Variants in HEATR4 observed in about 807,000 individuals in gnomAD.
HEATR4 encodes the protein HEAT repeat containing 4.
HEATR4 carries 95 observed loss-of-function variants against 108.8 expected under a neutral mutation model. The observed-to-expected ratio is 0.87, with a 90% confidence interval of 0.74 to 1.04. The LOEUF (loss-of-function observed/expected upper bound fraction) is 1.04, where lower values mean the gene tolerates loss of function less well. Ranked by LOEUF, HEATR4 falls within the 50% of genes least tolerant of loss-of-function variation. The pLI, the probability that HEATR4 is intolerant of heterozygous loss-of-function variation, is 0.00. For missense variants in HEATR4, 1,152 were observed against 1,253.8 expected, an observed-to-expected ratio of 0.92 and a Z score of 1.23; for synonymous variants, 443 against 459.4, an observed-to-expected ratio of 0.96 and a Z score of 0.46.
At chr14:73,545,470 C>T (rs1375590313) in intron 1 of HEATR4, among the ~76,000 whole-genome samples, 1 of 72,146 alleles carries the variant, frequency 1.4e-5, no homozygotes, top group African/African-American at 4.3e-5. Context: ...TGTTACTCTG[C>T]AACCCAGGAA....
rs1269235402 is a variant in HEATR4 at position 73,509,361 on chromosome 14, CTGTA to C, written c.1667_1670del (p.Ile556SerfsTer16). On this transcript the variant is annotated frameshift_variant, in exon 8 of 18. Coordinates refer to ENST00000553558, the MANE Select transcript of HEATR4 (RefSeq NM_001220484.1). LOFTEE classifies it high-confidence loss of function. Reference sequence around the variant, plus strand: ...TGTTCCGGGCAAGGGGATTATGTGACTGTATGGCATATTGGCATATTGCTGCTGC... The same window carrying C: ...TGTTCCGGGCAAGGGGATTATGTGACTGGCATATTGGCATATTGCTGCTGC... 4 of 1,614,098 alleles carry C rather than the reference CTGTA, an allele frequency of 2.5e-6. No homozygotes were observed. The South Asian group carries it at 4.4e-5, about 18-fold the overall frequency.
chr14:73,613,206 T>C, the HEATR4 span, among the ~76,000 whole-genome samples: 5 of 152,180 alleles, frequency 3.3e-5, no homozygotes, highest in Non-Finnish European at 5.9e-5. Context: ...GGCTGGATCG[T>C]AGCTCACACT....
chr14:73,589,386 C>T, the HEATR4 span, among the ~76,000 whole-genome samples: 1 of 152,136 alleles, frequency 6.6e-6, no homozygotes, highest in South Asian at 2.1e-4. Context: ...GTGGTATGAT[C>T]TCAGCTTACT....
At position 73,545,362 on chromosome 14, in the gene HEATR4, C is replaced by T. The variant is rs1168253321; in HGVS notation, c.-152+13389G>A. On this transcript the variant is annotated intron_variant, in intron 1 of 17. Transcript: ENST00000553558. ...GGTGTGAGCCACCGCTGCCAGCTTC[C>T]GGCACCTTTTTTCTAAAGGAATTCA... is the stretch of plus-strand genomic sequence containing the variant. Among the ~76,000 whole-genome samples the T allele has an allele frequency of 4.9e-5, 5 of 102,936 alleles. 1 individual carries two copies. Among genetic ancestry groups the T allele is most frequent in the African/African-American group, 6.2e-5 (2 of 32,088 alleles). The allele number at this position is 102,936 out of a possible 152,430, so 67.5% of individuals were successfully genotyped here.
rs573576187 is a variant in HEATR4 at position 73,545,658 on chromosome 14, A to C, written c.-152+13093T>G. 1.4e-4 allele frequency among the ~76,000 whole-genome samples: 11 copies of C among 78,636 alleles called. 4 individuals carry two copies. Among genetic ancestry groups the C allele is most frequent in the South Asian group, 1.3e-3 (3 of 2,274 alleles). 51.6% of individuals were successfully genotyped at this position (78,636 alleles called of 152,430 possible). On this transcript the variant is annotated intron_variant, in intron 1 of 17. Transcript: ENST00000553558. ...CCAAGATGCCAGGCCACAACACAAA[A>C]TTTCAAGTCATATTGTTTTATCTTT...
the HEATR4 span, among the ~76,000 whole-genome samples, chr14:73,607,735 T>G: frequency 3.9e-5 from 6 of 152,068 alleles, no homozygotes; most frequent in Non-Finnish European, 8.8e-5. Flanking sequence ...GCAATTCTCC[T>G]GCCTCAGCCT....
chr14:73,593,754 C>G, the HEATR4 span: 1 of 1,613,872 alleles, frequency 6.2e-7, no homozygotes, highest in East Asian at 2.2e-5. Flanking sequence ...GAGGGGGCCT[C>G]TTGGAATATC....
At chr14:73,560,364 T>C (rs1889503176), upstream of HEATR4, among the ~76,000 whole-genome samples, 1 of 151,982 alleles carries the variant, frequency 6.6e-6, no homozygotes, top group Admixed American at 6.6e-5. Flanking sequence ...CGTTTTCTGT[T>C]ATGAAAAGTA....
intron 7 of HEATR4, among the ~76,000 whole-genome samples, chr14:73,510,797 C>A (rs917066599): frequency 6.6e-6 from 1 of 152,058 alleles, no homozygotes; most frequent in African/African-American, 2.4e-5. Flanking sequence ...AGCACAGGAG[C>A]ATGTTGTTTA....
intron 1 of HEATR4, among the ~76,000 whole-genome samples, chr14:73,551,809 TAAAA>T (rs1291975751): frequency 2.5e-5 from 2 of 80,556 alleles, no homozygotes; most frequent in African/African-American, 8.3e-5. Context: ...ATCTCCGTCT[TAAAA>T]AAAAAAAAAA....
chr14:73,543,420 C>T, intron 1 of HEATR4: 1 of 1,142,744 alleles, frequency 8.8e-7, no homozygotes, highest in Non-Finnish European at 1.2e-6. Context: ...CGCTTGCAGG[C>T]CCATGGGAGG....
intron 14 of HEATR4, among the ~76,000 whole-genome samples, chr14:73,496,891 T>C (rs985507988): frequency 1.3e-5 from 2 of 152,210 alleles, no homozygotes; most frequent in Non-Finnish European, 2.9e-5. Flanking sequence ...GGTTTTTTGT[T>C]TACTTTTTGT....
the HEATR4 span, among the ~76,000 whole-genome samples, chr14:73,608,374 C>T: frequency 6.6e-6 from 1 of 152,194 alleles, no homozygotes; most frequent in Non-Finnish European, 1.5e-5. Context: ...ATCTCTGGGG[C>T]AGGGGCAAAA....
At chr14:73,518,939 C>A in intron 5 of HEATR4, 84 bp downstream of exon 5, 1 of 1,389,326 alleles carries the variant, frequency 7.2e-7, no homozygotes, top group Non-Finnish European at 9.9e-7. Flanking sequence ...ACTGGGAGCT[C>A]TAGCACATGA....
the HEATR4 span, among the ~76,000 whole-genome samples, chr14:73,597,591 CTTTTTTTTTTTT>C: frequency 1.0e-5 from 1 of 98,206 alleles, no homozygotes; most frequent in Non-Finnish European, 2.0e-5. Context: ...TTTTTCTTTT[CTTTTTTTTTTTT>C]TTTTTTTTGA....
the HEATR4 span, among the ~76,000 whole-genome samples, chr14:73,572,649 T>C: frequency 5.4e-4 from 32 of 59,200 alleles, 2 homozygotes; most frequent in East Asian, 5.8e-3. Flanking sequence ...ATTTTTTTTT[T>C]TTTTTTTTTT....
chr14:73,513,442 C>T (rs1887386427), intron 6 of HEATR4, among the ~76,000 whole-genome samples: 1 of 142,870 alleles, frequency 7.0e-6, no homozygotes, highest in Non-Finnish European at 1.5e-5. Context: ...GCCTGGGCAA[C>T]AGAGTGAAAT....
chr14:73,538,231 G>A lies in HEATR4; in HGVS notation c.-151-7987C>T, dbSNP rs1217800186. On this transcript the variant is annotated intron_variant, in intron 1 of 17. Transcript: ENST00000553558. ...TCCAACATTCCGGAGGTTAGTGTAA[G>A]GAGACAGGAATGGAATGGAAAGTTG... 4.4e-5 allele frequency among the ~76,000 whole-genome samples: 5 copies of A among 114,754 alleles called. 2 individuals carry two copies. Among genetic ancestry groups the A allele is most frequent in the African/African-American group, 1.4e-4 (5 of 35,190 alleles). The allele number at this position is 114,754 out of a possible 152,430, so 75.3% of individuals were successfully genotyped here.
chr14:73,483,767 GA>G (rs1885340234), intron 17 of HEATR4, among the ~76,000 whole-genome samples: 1 of 151,946 alleles, frequency 6.6e-6, no homozygotes, highest in South Asian at 2.1e-4. Flanking sequence ...ATTCAGTTTT[GA>G]ACTTAAAATA....
Sources: allele counts gnomAD v4.1 joint callset (sites outside exome capture counted in the v4.1 genomes callset), GRCh38; gene constraint gnomAD v4.1.1; transcripts MANE v1.5; gene names NCBI Gene and HGNC (gene_info 2026-07-23, HGNC 2026-07-21).